PUDP: variants seen among roughly 807,000 people sequenced by gnomAD.
PUDP encodes pseudouridine 5'-phosphatase.
Under a neutral mutation model 9.4 loss-of-function variants are expected in PUDP, and 8 were observed. The ratio of observed to expected loss-of-function variants is 0.85; its 90% CI spans 0.50 to 1.53. PUDP has a LOEUF of 1.53. PUDP is among the 40% of genes most tolerant of loss of function. The pLI, the probability that PUDP is intolerant of heterozygous loss-of-function variation, is 0.00. For synonymous variants in PUDP, 99 were observed against 80.7 expected (o/e 1.23, Z -1.22); for missense variants, 188 against 189.7 (o/e 0.99, Z 0.05).
At chrX:6,871,686 C>A (rs1159253152) in intron 3 of PUDP, among the ~76,000 whole-genome samples, 4 of 111,083 alleles carry the variant, frequency 3.6e-5, no homozygotes, top group Non-Finnish European at 5.7e-5. Context: ...CCCTTGTTTG[C>A]TCCAGAATGA....
At chrX:6,812,843 C>T (rs1926166142) in intron 3 of PUDP, among the ~76,000 whole-genome samples, 1 of 112,067 alleles carries the variant, frequency 8.9e-6, no homozygotes, top group South Asian at 3.7e-4. Flanking sequence ...CCTGTAATCC[C>T]AGCACTTTGG....
chrX:7,034,825 G>A lies in PUDP; in HGVS notation c.204+42395C>T, dbSNP rs779723052. ...CAAAATGAAACAGCTCATGTCCAAT[G>A]GTCTGACAATCTGCTGCTCATGAAA... On this transcript the variant is annotated intron_variant and NMD_transcript_variant, in intron 1 of 3. Transcript: ENST00000655425. 5.4e-5 allele frequency among the ~76,000 whole-genome samples: 6 copies of A among 111,650 alleles called. No homozygotes were observed. The East Asian group carries it at 1.7e-3, about 31-fold the overall frequency.
chrX:7,111,648 TAAAGCACCTATA>T (rs1932054341), intron 1 of PUDP, among the ~76,000 whole-genome samples: 1 of 111,221 alleles, frequency 9.0e-6, no homozygotes, highest in South Asian at 3.8e-4. Context: ...CAGCCTTGGG[TAAAGCACCTATA>T]AAATGAGGAT....
chrX:7,109,083 G>A (rs1313329959), intron 1 of PUDP, among the ~76,000 whole-genome samples: 1 of 111,755 alleles, frequency 8.9e-6, no homozygotes, highest in African/African-American at 3.3e-5. Flanking sequence ...TCCTGCACTC[G>A]GTCTCCCTAC....
chrX:6,821,259 CTA>C (rs1343761106), intron 3 of PUDP, among the ~76,000 whole-genome samples: 2 of 111,540 alleles, frequency 1.8e-5, no homozygotes, highest in Non-Finnish European at 3.8e-5. Context: ...GGGCGGGACT[CTA>C]TAAGTGAAGA....
intron 3 of PUDP, among the ~76,000 whole-genome samples, chrX:6,751,680 A>C (rs919361316): frequency 6.3e-5 from 7 of 111,647 alleles, no homozygotes; most frequent in Admixed American, 4.8e-4. Context: ...AGAAATATAA[A>C]ACTCATTATC....
At position 7,042,664 on chromosome X, in the gene PUDP, G is replaced by GT. The variant is rs780614883; in HGVS notation, c.204+34555_204+34556insA. Among the ~76,000 whole-genome samples the GT allele has an allele frequency of 3.7e-5, 4 of 109,325 alleles. No individual in the cohort carries two copies. The South Asian group carries it at 1.6e-3, about 44-fold the overall frequency. 94.9% of individuals were successfully genotyped at this position (109,325 alleles called of 115,157 possible). On this transcript the variant is annotated intron_variant and NMD_transcript_variant, in intron 1 of 3. Coordinates refer to the PUDP transcript ENST00000655425. Reference sequence around the variant, plus strand: ...GGACATATGTTTTCATTTTTTGGGGGGGGTAGACATCAAAGAGTAGAATTG... The same window carrying GT: ...GGACATATGTTTTCATTTTTTGGGGGTGGGTAGACATCAAAGAGTAGAATTG...
At chrX:6,999,527 G>A (rs1023493696) in intron 1 of PUDP, among the ~76,000 whole-genome samples, 4 of 111,686 alleles carry the variant, frequency 3.6e-5, no homozygotes, top group Non-Finnish European at 7.5e-5. Context: ...CATAAAGCAG[G>A]TTTTCAATAA....
At chrX:7,054,723 G>T (rs1048323435) in intron 3 of PUDP, among the ~76,000 whole-genome samples, 1 of 112,083 alleles carries the variant, frequency 8.9e-6, no homozygotes, top group Non-Finnish European at 1.9e-5. Context: ...TCATGTGGCC[G>T]CTTTGCTAAC....
In PUDP at chrX:6,991,081, A is replaced by G. The variant is rs763368530; in HGVS notation, c.205-12738T>C. 8.7e-4 allele frequency among the ~76,000 whole-genome samples: 97 copies of G among 111,409 alleles called. 1 individual carries two copies. The highest frequency in any genetic ancestry group is 2.8e-3 in the African/African-American group (85 of 30,658). On this transcript the variant is annotated intron_variant and NMD_transcript_variant, in intron 1 of 3. Coordinates refer to the PUDP transcript ENST00000655425. ...AGGTTTGGGCTTGTGGAATTGTTTC[A>G]AATTTTTGACATTATGGTTTTGCAA...
chrX:6,748,607 AAT>A (rs1569091277), intron 3 of PUDP, among the ~76,000 whole-genome samples: 1 of 111,541 alleles, frequency 9.0e-6, no homozygotes, highest in Admixed American at 9.6e-5. Context: ...AAATTAAGAC[AAT>A]CCCTTAAAAA....
At chrX:6,783,372 G>A (rs1399677178) in intron 3 of PUDP, among the ~76,000 whole-genome samples, 1 of 111,035 alleles carries the variant, frequency 9.0e-6, no homozygotes, top group Non-Finnish European at 1.9e-5. Context: ...TCTGTCTATG[G>A]AGTAGCTGTA....
At chrX:7,124,492 C>G (rs898241061) in intron 1 of PUDP, among the ~76,000 whole-genome samples, 9 of 111,145 alleles carry the variant, frequency 8.1e-5, no homozygotes, top group Non-Finnish European at 1.7e-4. Flanking sequence ...TGGGTGGCCT[C>G]TAATAGCTGG....
At chrX:6,814,885 C>G (rs1926202924) in intron 3 of PUDP, among the ~76,000 whole-genome samples, 1 of 111,448 alleles carries the variant, frequency 9.0e-6, no homozygotes, top group African/African-American at 3.3e-5. Flanking sequence ...TTCTCCTCAT[C>G]TCTTCTTTCT....
rs1274806978 is a variant in PUDP, at chrX:7,147,899, G to A, written c.61+154C>T. The A allele has an allele frequency of 1.6e-5, 5 of 315,022 alleles. No homozygotes were observed. In the East Asian group the frequency reaches 1.9e-4, roughly 12 times the overall value. The allele number at this position is 315,022 out of a possible 1,213,427, so 26.0% of individuals were successfully genotyped here. On this transcript the variant is annotated intron_variant, in intron 1 of 3. Coordinates refer to ENST00000381077, the MANE Select transcript of PUDP (RefSeq NM_012080.5). ...GCGCTCCTGGCCGCCGCCCGACTTC[G>A]GGGCCAGCCGGGGGCAGAGCGCGCG...
chrX:6,884,783 A>C (rs1435898077), intron 3 of PUDP, among the ~76,000 whole-genome samples: 1 of 112,380 alleles, frequency 8.9e-6, no homozygotes, highest in Non-Finnish European at 1.9e-5. Flanking sequence ...ATCACTGCAG[A>C]AGTTTCTGGA....
intron 3 of PUDP, among the ~76,000 whole-genome samples, chrX:6,877,193 CA>C (rs747858977): frequency 9.1e-6 from 1 of 110,366 alleles, no homozygotes; most frequent in Non-Finnish European, 1.9e-5. Context: ...TCCTGGCCTC[CA>C]GTGATTCTTT....
At position 7,105,028 on chromosome X, in the gene PUDP, G is replaced by A. The variant is rs182136129; in HGVS notation, c.280+592C>T. Among the ~76,000 whole-genome samples the A allele has an allele frequency of 6.3e-5, 7 of 111,237 alleles. No homozygotes were observed. The East Asian group carries it at 8.5e-4, about 13-fold the overall frequency. ...TCTAGAATATTCTTGAACAAGGAGCGTCAGGCAAGCCCGTTCTGATTGAAT... is the reference window on the plus strand; with the variant it reads ...TCTAGAATATTCTTGAACAAGGAGCATCAGGCAAGCCCGTTCTGATTGAAT... On this transcript the variant is annotated intron_variant, in intron 2 of 3. Coordinates refer to ENST00000381077, the MANE Select transcript of PUDP (RefSeq NM_012080.5).
chrX:6,943,269 C>T (rs1385765031), intron 3 of PUDP, among the ~76,000 whole-genome samples: 1 of 112,113 alleles, frequency 8.9e-6, no homozygotes, highest in Non-Finnish European at 1.9e-5. Context: ...CCAGAGAGCC[C>T]TCATCACTAG....
Sources: gnomAD v4.1 joint callset for allele counts (sites outside exome capture counted in the v4.1 genomes callset) on GRCh38, gnomAD v4.1.1 for gene constraint, MANE v1.5 for transcripts, NCBI Gene and HGNC (gene_info 2026-07-23, HGNC 2026-07-21) for gene names.